Variants in SCHIP1 observed in about 807,000 individuals in gnomAD.
SCHIP1 encodes schwannomin-interacting protein 1.
In SCHIP1, 8 loss-of-function variants were observed where a neutral mutation model predicts 29.7. The observed-to-expected ratio is 0.27, with a 90% CI of 0.16 to 0.49. The LOEUF (loss-of-function observed/expected upper bound fraction) is 0.49, where lower values mean the gene tolerates loss of function less well. SCHIP1 is among the 20% of genes least tolerant of loss of function. The pLI is 0.99. For missense variants in SCHIP1, 193 were observed against 294.6 expected, an observed-to-expected ratio of 0.66 and a Z score of 2.52; for synonymous variants, 76 against 94.9, an observed-to-expected ratio of 0.80 and a Z score of 1.16.
chr3:159,768,982 C>T, the SCHIP1 span, among the ~76,000 whole-genome samples: 5 of 152,166 alleles, frequency 3.3e-5, no homozygotes, highest in Admixed American at 2.0e-4. Context: ...GCTTGTATTC[C>T]GTCTTGTGCG....
the SCHIP1 span, among the ~76,000 whole-genome samples, chr3:159,812,954 G>T: frequency 2.0e-4 from 31 of 152,320 alleles, no homozygotes; most frequent in South Asian, 6.2e-3. Flanking sequence ...AGAACCAGAA[G>T]GGAAAGCAGG....
At chr3:159,840,112 A>G (rs1227553162) in exon 1 of SCHIP1, 1 of 1,529,508 alleles carries the variant, frequency 6.5e-7, no homozygotes. Context: ...CCGCCGGTGG[A>G]TGCTCCGCGC....
chr3:159,702,760 G>A, the SCHIP1 span, among the ~76,000 whole-genome samples: 140 of 152,300 alleles, frequency 9.2e-4, 1 homozygote, highest in African/African-American at 3.1e-3. Flanking sequence ...TTGTACTCAT[G>A]CACTTAATTT....
chr3:159,732,559 A>G, the SCHIP1 span, among the ~76,000 whole-genome samples: 2 of 152,196 alleles, frequency 1.3e-5, no homozygotes, highest in Non-Finnish European at 2.9e-5. Context: ...AGGAAAAAAC[A>G]AGGTTACAAG....
the SCHIP1 span, among the ~76,000 whole-genome samples, chr3:159,427,290 T>C: frequency 2.0e-5 from 3 of 151,606 alleles, no homozygotes; most frequent in African/African-American, 7.3e-5. Context: ...TGATTGTATA[T>C]ATAGAAAACC....
the SCHIP1 span, among the ~76,000 whole-genome samples, chr3:159,415,837 G>A: frequency 6.6e-6 from 1 of 152,152 alleles, no homozygotes; most frequent in African/African-American, 2.4e-5. Context: ...CACATAGTAA[G>A]TACTCAATAT....
chr3:159,687,912 C>A, the SCHIP1 span, among the ~76,000 whole-genome samples: 1 of 152,272 alleles, frequency 6.6e-6, no homozygotes, highest in African/African-American at 2.4e-5. Context: ...CATCCATGTC[C>A]CTGCAAAGGA....
chr3:159,668,458 C>A, the SCHIP1 span, among the ~76,000 whole-genome samples: 2 of 150,674 alleles, frequency 1.3e-5, no homozygotes, highest in Admixed American at 1.3e-4. Flanking sequence ...ATTCAAGAAA[C>A]CTGGAGGTGT....
At chr3:159,619,675 G>A in the SCHIP1 span, among the ~76,000 whole-genome samples, 1 of 152,204 alleles carries the variant, frequency 6.6e-6, no homozygotes, top group African/African-American at 2.4e-5. Flanking sequence ...AATTTCTGTA[G>A]CTGGGGAAAC....
chr3:159,707,172 A>G, the SCHIP1 span, among the ~76,000 whole-genome samples: 2 of 152,202 alleles, frequency 1.3e-5, no homozygotes, highest in African/African-American at 4.8e-5. Flanking sequence ...CTCTTTAAGT[A>G]TATGACTCTT....
the SCHIP1 span, among the ~76,000 whole-genome samples, chr3:159,703,656 C>T: frequency 1.3e-5 from 2 of 152,336 alleles, no homozygotes; most frequent in South Asian, 2.1e-4. Context: ...TGATACAGTT[C>T]ATTCATACCA....
At chr3:159,491,044 T>A in the SCHIP1 span, among the ~76,000 whole-genome samples, 1 of 152,158 alleles carries the variant, frequency 6.6e-6, no homozygotes, top group South Asian at 2.1e-4. Context: ...ACATAGACCT[T>A]TTGCAAATTC....
chr3:159,893,501 G>A (rs1017919530), intron 6 of SCHIP1: 1 of 151,988 alleles, frequency 6.6e-6, no homozygotes, highest in Non-Finnish European at 1.5e-5. Flanking sequence ...ATACAATCAG[G>A]GCCTACATTT....
the SCHIP1 span, among the ~76,000 whole-genome samples, chr3:159,598,842 C>G: frequency 6.6e-6 from 1 of 152,110 alleles, no homozygotes; most frequent in Non-Finnish European, 1.5e-5. Context: ...CTCTTTAGAT[C>G]TTGTAATATA....
chr3:159,840,341 C>G, intron 1 of SCHIP1: 1 of 770,664 alleles, frequency 1.3e-6, no homozygotes, highest in East Asian at 2.7e-5. Flanking sequence ...TGGCCTTCAT[C>G]ACGTGCAGTA....
the SCHIP1 span, among the ~76,000 whole-genome samples, chr3:159,786,156 C>G: frequency 6.6e-6 from 1 of 152,156 alleles, no homozygotes. Flanking sequence ...ACCTGGAAGA[C>G]TTACTCAACA....
the SCHIP1 span, among the ~76,000 whole-genome samples, chr3:159,720,003 T>A: frequency 6.6e-6 from 1 of 152,088 alleles, no homozygotes; most frequent in East Asian, 1.9e-4. Context: ...AATGATAGAC[T>A]GGATTAAGAA....
At chr3:159,717,982 T>G in the SCHIP1 span, among the ~76,000 whole-genome samples, 1 of 152,194 alleles carries the variant, frequency 6.6e-6, no homozygotes, top group Non-Finnish European at 1.5e-5. Context: ...AAATCCTCAA[T>G]AAAATACTGG....
the SCHIP1 span, among the ~76,000 whole-genome samples, chr3:159,448,244 C>T: frequency 1.1e-4 from 16 of 152,188 alleles, no homozygotes; most frequent in Admixed American, 5.2e-4. Flanking sequence ...GAGGCTGAGG[C>T]GGGTGGATCA....
Sources: allele counts gnomAD v4.1 joint callset (sites outside exome capture counted in the v4.1 genomes callset), GRCh38; gene constraint gnomAD v4.1.1; transcripts MANE v1.5; gene names NCBI Gene and HGNC (gene_info 2026-07-23, HGNC 2026-07-21).